AR: variants seen among roughly 807,000 people sequenced by gnomAD.
AR encodes dihydrotestosterone receptor.
Under a neutral mutation model 53.9 loss-of-function variants are expected in AR, and 8 were observed. That is an observed-to-expected ratio of 0.15 (90% CI 0.09 to 0.27). The LOEUF (loss-of-function observed/expected upper bound fraction) is 0.27, where lower values mean the gene tolerates loss of function less well. Ranked by LOEUF, AR falls within the 10% of genes least tolerant of loss-of-function variation. AR has a pLI of 1.00. For missense variants in AR, 639 were observed against 742.5 expected (o/e 0.86, Z 1.62); for synonymous variants, 359 against 316.4 (o/e 1.13, Z -1.43).
intron 1 of AR, among the ~76,000 whole-genome samples, chrX:67,589,171 G>T (rs1204986498): frequency 4.5e-5 from 5 of 110,653 alleles, no homozygotes; most frequent in Non-Finnish European, 9.5e-5. Context: ...GCTGAGGCAG[G>T]AGAATGGCGT....
intron 1 of AR, among the ~76,000 whole-genome samples, chrX:67,628,017 C>G (rs944759991): frequency 2.2e-4 from 25 of 111,536 alleles, no homozygotes; most frequent in Non-Finnish European, 4.0e-4. Context: ...GGTACCAGTA[C>G]CATGCTGTTT....
At chrX:67,646,681 A>T (rs1926074085) in intron 2 of AR, among the ~76,000 whole-genome samples, 1 of 110,730 alleles carries the variant, frequency 9.0e-6, no homozygotes, top group Non-Finnish European at 1.9e-5. Context: ...GTAGACTTGG[A>T]TAAGAAATTT....
chrX:67,632,332 A>T (rs1277788856), intron 1 of AR, among the ~76,000 whole-genome samples: 1 of 112,793 alleles, frequency 8.9e-6, no homozygotes, highest in East Asian at 2.8e-4. Context: ...TGCGGGATAT[A>T]ATCTCCTGGT....
At chrX:67,632,380 T>A (rs4261023) in intron 1 of AR, among the ~76,000 whole-genome samples, 2 of 111,181 alleles carry the variant, frequency 1.8e-5, no homozygotes, top group South Asian at 3.8e-4. Context: ...ACGCAGTATT[T>A]GGGTGGGAGT....
chrX:67,575,420 T>A lies in AR; in HGVS notation c.1616+28658T>A, dbSNP rs750706387. Among the ~76,000 whole-genome samples the A allele has an allele frequency of 5.3e-5, 6 of 112,192 alleles. No individual in the cohort carries two copies. In the East Asian group the frequency reaches 1.7e-3, roughly 32 times the overall value. ...ATTGTAGGTAGCTTAGCCTTGGCTG[T>A]AGTCAGAACTTTTGTACTGTGACTT... On this transcript the variant is annotated intron_variant, in intron 1 of 7. Transcript: ENST00000374690.
chrX:67,562,648 C>G (rs1176292604), intron 1 of AR, among the ~76,000 whole-genome samples: 2 of 110,966 alleles, frequency 1.8e-5, no homozygotes, highest in African/African-American at 3.3e-5. Context: ...CCCATCAGAT[C>G]AGAGACCTAA....
At chrX:67,627,280 T>A (rs957451557) in intron 1 of AR, among the ~76,000 whole-genome samples, 19 of 111,511 alleles carry the variant, frequency 1.7e-4, no homozygotes, top group Non-Finnish European at 3.6e-4. Flanking sequence ...CTCCACATCC[T>A]CTCCAGCACC....
chrX:67,612,379 G>A (rs923119914), intron 1 of AR, among the ~76,000 whole-genome samples: 17 of 112,105 alleles, frequency 1.5e-4, no homozygotes, highest in African/African-American at 5.5e-4. Flanking sequence ...ATTGCCTGTA[G>A]GATGAGATCC....
At chrX:67,584,635 A>T (rs1033405057) in intron 1 of AR, among the ~76,000 whole-genome samples, 3 of 112,357 alleles carry the variant, frequency 2.7e-5, no homozygotes, top group African/African-American at 9.7e-5. Context: ...CTATTGTCAG[A>T]TGGTCCTCTT....
At chrX:67,690,731 G>A (rs1398247057) in intron 3 of AR, among the ~76,000 whole-genome samples, 1 of 111,881 alleles carries the variant, frequency 8.9e-6, no homozygotes, top group African/African-American at 3.2e-5. Flanking sequence ...AAAAATTTGA[G>A]CAAGAGGAGA....
intron 2 of AR, among the ~76,000 whole-genome samples, chrX:67,657,076 A>G (rs752527132): frequency 9.0e-6 from 1 of 110,990 alleles, no homozygotes; most frequent in South Asian, 3.9e-4. Context: ...AATTGATTTA[A>G]ATCAAAGCCC....
intron 2 of AR, among the ~76,000 whole-genome samples, chrX:67,673,471 ATTTTTT>A (rs34317430): frequency 2.9e-5 from 2 of 68,463 alleles, no homozygotes; most frequent in African/African-American, 1.0e-4. Flanking sequence ...ATTGTTTGCT[ATTTTTT>A]TTTTTTTTTT....
In AR at chrX:67,612,548, C is replaced by A. The variant is rs148003266; in HGVS notation, c.1617-30708C>A. ...TGCCTAAGCCAACTTAAATAAACAT[C>A]ATTTCTGTAACTTCTGTGAAGCCTT... On this transcript the variant is annotated intron_variant, in intron 1 of 7. Transcript: ENST00000374690. 2.4e-3 allele frequency among the ~76,000 whole-genome samples: 271 copies of A among 112,030 alleles called. 1 individual carries two copies. Among genetic ancestry groups the A allele is most frequent in the Middle Eastern group, 0.019 (4 of 214 alleles).
intron 3 of AR, among the ~76,000 whole-genome samples, chrX:67,710,850 C>T (rs1224614509): frequency 2.7e-5 from 3 of 111,744 alleles, no homozygotes; most frequent in Non-Finnish European, 3.8e-5. Flanking sequence ...CAAATACTAT[C>T]TTCCATATAA....
chrX:67,684,507 C>T (rs1204721209), intron 2 of AR, among the ~76,000 whole-genome samples: 1 of 110,994 alleles, frequency 9.0e-6, no homozygotes, highest in African/African-American at 3.3e-5. Flanking sequence ...TTCCCTGGAA[C>T]TCCTCCTTGG....
At chrX:67,658,807 C>T (rs946157292) in intron 2 of AR, among the ~76,000 whole-genome samples, 2 of 112,018 alleles carry the variant, frequency 1.8e-5, no homozygotes, top group Non-Finnish European at 3.8e-5. Flanking sequence ...CTCAGGGCAG[C>T]ATGGGAGATT....
At position 67,722,726 on chromosome X, in the gene AR, G is replaced by C. The variant is rs1296956941; in HGVS notation, c.2450-101G>C. On this transcript the variant is annotated intron_variant, in intron 6 of 7. Transcript: ENST00000374690. ...GGAAGCCAAGTAGATGGTTCCCTGT[G>C]GGGGTGGGGGTCAAGTCTGTGGTCA... 14 of 1,009,312 alleles carry C rather than the reference G, an allele frequency of 1.4e-5. 1 individual carries two copies. Among genetic ancestry groups the C allele is most frequent in the Non-Finnish European group, 1.9e-5 (14 of 725,807 alleles). The allele number at this position is 1,009,312 out of a possible 1,213,427, so 83.2% of individuals were successfully genotyped here. A position where few individuals can be genotyped will look rare whatever the true frequency, so the allele number is the denominator to read the frequency against.
Position 67,604,198 on chromosome X carries a change from ATGTGTGTGTGTG to A in AR, c.1617-39022_1617-39011del, listed in dbSNP as rs72092334. On this transcript the variant is annotated intron_variant, in intron 1 of 7. Coordinates refer to ENST00000374690, the MANE Select transcript of AR (RefSeq NM_000044.6). ...AGAAGGTCAGAAGCTGGGGAGAAAT[ATGTGTGTGTGTG>A]TGTGTGTGTGTGTGTGTGTGTGTGT... Among the ~76,000 whole-genome samples, 122 of 78,142 alleles carry A rather than the reference ATGTGTGTGTGTG, an allele frequency of 1.6e-3. 1 individual carries two copies. Among genetic ancestry groups the A allele is most frequent in the African/African-American group, 4.2e-3 (86 of 20,487 alleles). The allele number at this position is 78,142 out of a possible 115,157, so 67.9% of individuals were successfully genotyped here. A position where few individuals can be genotyped will look rare whatever the true frequency, so the allele number is the denominator to read the frequency against.
At chrX:67,655,199 A>G (rs1337078) in intron 2 of AR, among the ~76,000 whole-genome samples, 7,509 of 109,786 alleles carry the variant, frequency 0.068, 666 homozygotes, top group African/African-American at 0.24. Flanking sequence ...GAGGGGAATA[A>G]CACCCAGCCA....
Sources: gnomAD v4.1 joint callset for allele counts (sites outside exome capture counted in the v4.1 genomes callset) on GRCh38, gnomAD v4.1.1 for gene constraint, MANE v1.5 for transcripts, NCBI Gene and HGNC (gene_info 2026-07-23, HGNC 2026-07-21) for gene names.